PRKN: variants seen among roughly 807,000 people sequenced by gnomAD.
The protein encoded by PRKN is parkin RBR E3 ubiquitin protein ligase.
In PRKN, 56 loss-of-function variants were observed where a neutral mutation model predicts 59.5. That is an observed-to-expected ratio of 0.94 (90% CI 0.76 to 1.18). The LOEUF (loss-of-function observed/expected upper bound fraction) is 1.18. PRKN is among the 50% of genes most tolerant of loss of function. PRKN has a pLI of 0.00. For synonymous variants in PRKN, 250 were observed against 222.1 expected (o/e 1.13, Z -1.12); for missense variants, 657 against 596.4 (o/e 1.10, Z -1.06).
At chr6:161,902,156 A>C (rs1004944644) in intron 6 of PRKN, among the ~76,000 whole-genome samples, 1 of 151,962 alleles carries the variant, frequency 6.6e-6, no homozygotes. Context: ...TTCCCTAAAG[A>C]CCCTGGCTGG....
At chr6:162,449,051 CA>C (rs1790462535) in intron 1 of PRKN, among the ~76,000 whole-genome samples, 1 of 151,836 alleles carries the variant, frequency 6.6e-6, no homozygotes, top group Non-Finnish European at 1.5e-5. Flanking sequence ...CCACACCCAG[CA>C]ATTTTTGTAT....
intron 4 of PRKN, among the ~76,000 whole-genome samples, chr6:162,136,696 A>G (rs1250868952): frequency 6.6e-6 from 1 of 152,194 alleles, no homozygotes; most frequent in East Asian, 1.9e-4. Flanking sequence ...CATCACTGTG[A>G]TCAGCTGAAT....
At chr6:161,882,388 C>T (rs1449178783) in intron 6 of PRKN, among the ~76,000 whole-genome samples, 1 of 152,134 alleles carries the variant, frequency 6.6e-6, no homozygotes, top group African/African-American at 2.4e-5. Context: ...TGCGGCCCTC[C>T]AGGGAGGGGA....
intron 2 of PRKN, among the ~76,000 whole-genome samples, chr6:162,368,236 T>C (rs1785556947): frequency 6.6e-6 from 1 of 152,154 alleles, no homozygotes; most frequent in East Asian, 1.9e-4. Context: ...TATCTGGGTG[T>C]CTACACAGGT....
At chr6:162,100,067 C>A (rs1448424525) in intron 4 of PRKN, among the ~76,000 whole-genome samples, 1 of 152,186 alleles carries the variant, frequency 6.6e-6, no homozygotes, top group East Asian at 1.9e-4. Flanking sequence ...AACATCATGT[C>A]CTTCAGGTTC....
chr6:162,119,550 T>C (rs1780818387), intron 4 of PRKN, among the ~76,000 whole-genome samples: 1 of 152,190 alleles, frequency 6.6e-6, no homozygotes, highest in Non-Finnish European at 1.5e-5. Flanking sequence ...TATTCCTGTC[T>C]GCTTGCGGTT....
intron 2 of PRKN, among the ~76,000 whole-genome samples, chr6:162,341,134 C>T (rs138000353): frequency 1.3e-5 from 2 of 151,950 alleles, no homozygotes; most frequent in African/African-American, 4.8e-5. Flanking sequence ...GACATTTATG[C>T]GGCCAAGAAA....
intron 4 of PRKN, among the ~76,000 whole-genome samples, chr6:162,136,894 A>C (rs1781580807): frequency 6.6e-6 from 1 of 152,164 alleles, no homozygotes; most frequent in African/African-American, 2.4e-5. Flanking sequence ...CTCCAAAATA[A>C]AGGAATTTTA....
At chr6:162,495,683 TCTCA>T (rs1367363864) in intron 1 of PRKN, among the ~76,000 whole-genome samples, 1 of 152,160 alleles carries the variant, frequency 6.6e-6, no homozygotes, top group Non-Finnish European at 1.5e-5. Flanking sequence ...CATCTTTCTT[TCTCA>T]CTGTCACTCA....
intron 6 of PRKN, among the ~76,000 whole-genome samples, chr6:161,837,411 T>C (rs992651455): frequency 6.6e-6 from 1 of 152,198 alleles, no homozygotes; most frequent in Non-Finnish European, 1.5e-5. Context: ...ACAGTGAGAC[T>C]GAGATTAGGT....
intron 2 of PRKN, among the ~76,000 whole-genome samples, chr6:162,423,894 A>T (rs1789098325): frequency 6.6e-6 from 1 of 152,176 alleles, no homozygotes; most frequent in South Asian, 2.1e-4. Context: ...TGCTTATGCC[A>T]TTCTAAAAGT....
intron 6 of PRKN, among the ~76,000 whole-genome samples, chr6:161,881,577 C>T (rs952235445): frequency 1.3e-5 from 2 of 151,978 alleles, no homozygotes; most frequent in South Asian, 2.1e-4. Flanking sequence ...GTTGCAAATA[C>T]GTACAATCCC....
Position 161,447,694 on chromosome 6 carries a change from C to T in PRKN, c.1084-60817G>A, listed in dbSNP as rs1345737904. Among the ~76,000 whole-genome samples the T allele has an allele frequency of 1.3e-5, 2 of 152,152 alleles. No homozygotes were observed. The highest frequency in any genetic ancestry group is 2.9e-5 in the Non-Finnish European group (2 of 68,046). ...ATTTTTAGTAGACACAGCGTTTCAC[C>T]GTGTAAGCTAGGATGGTCTCGATCT... On this transcript the variant is annotated intron_variant, in intron 9 of 11. Transcript: ENST00000366898. This position sits in a 1 kb window ranked among gnomAD's most constrained non-coding sequence, Gnocchi z 4.1.
chr6:161,354,906 C>T lies in PRKN; in HGVS notation c.1286-4695G>A, dbSNP rs1784691172. Among the ~76,000 whole-genome samples, 1 of 152,210 alleles carries T rather than the reference C, an allele frequency of 6.6e-6. No homozygotes were observed. Among genetic ancestry groups the T allele is most frequent in the Non-Finnish European group, 1.5e-5 (1 of 68,048 alleles). On this transcript the variant is annotated intron_variant, in intron 11 of 11. Transcript: ENST00000366898. The surrounding 1 kb of genome is among the most constrained non-coding windows in gnomAD (Gnocchi z 6.7). The stretch of plus-strand genomic sequence containing the variant: ...AAATAGCCCGACAGGGAGAAACTTT[C>T]CTACAGTCACGAACCATTTGACTCC...
chr6:161,598,750 C>A (rs140283989), intron 7 of PRKN, among the ~76,000 whole-genome samples: 58 of 152,272 alleles, frequency 3.8e-4, no homozygotes, highest in African/African-American at 1.1e-3. Context: ...TTAGTAAACT[C>A]TTCTTGTAAC....
Position 162,073,112 on chromosome 6 carries a change from C to G in PRKN, c.535-18938G>C, listed in dbSNP as rs541280139. On this transcript the variant is annotated intron_variant, in intron 4 of 11. Transcript: ENST00000366898. Reference sequence around the variant, plus strand: ...ACAAATGAGCTAATTAATGTGAAAACCATTGAAGCTACAGCAAACAGGTCA... The same window carrying G: ...ACAAATGAGCTAATTAATGTGAAAAGCATTGAAGCTACAGCAAACAGGTCA... 2.0e-4 allele frequency among the ~76,000 whole-genome samples: 31 copies of G among 152,254 alleles called. 1 individual carries two copies. In the South Asian group the frequency reaches 6.4e-3, roughly 32 times the overall value.
intron 2 of PRKN, among the ~76,000 whole-genome samples, chr6:162,384,664 A>C (rs142581025): frequency 0.24 from 28,998 of 121,114 alleles, 2,736 homozygotes; most frequent in African/African-American, 0.28. Context: ...AAAAAAAAAC[A>C]AAAAAAAAAA....
At chr6:161,794,750 C>G (rs568422553) in intron 6 of PRKN, among the ~76,000 whole-genome samples, 3 of 152,144 alleles carry the variant, frequency 2.0e-5, no homozygotes, top group South Asian at 4.1e-4. Context: ...TTATTCCCCC[C>G]AAAACTACAA....
At chr6:162,294,393 C>A (rs1781569585) in intron 2 of PRKN, among the ~76,000 whole-genome samples, 1 of 152,134 alleles carries the variant, frequency 6.6e-6, no homozygotes, top group South Asian at 2.1e-4. Context: ...TCTAATTAAA[C>A]CTCTTCCTCA....
Sources: allele counts gnomAD v4.1 joint callset (sites outside exome capture counted in the v4.1 genomes callset), GRCh38; gene constraint gnomAD v4.1.1; non-coding constraint Gnocchi (gnomAD v3.1); transcripts MANE v1.5; gene names NCBI Gene and HGNC (gene_info 2026-07-23, HGNC 2026-07-21).